The following USH2A variants were observed in gnomAD, a reference collection of about 807,000 sequenced individuals.
USH2A encodes usherin.
In USH2A, 443 loss-of-function variants were observed where a neutral mutation model predicts 538.9. The ratio of observed to expected loss-of-function variants is 0.82; its 90% CI spans 0.76 to 0.89. The LOEUF is 0.89. USH2A is among the 40% of genes least tolerant of loss of function. The pLI, the probability that USH2A is intolerant of heterozygous loss-of-function variation, is 0.00. For synonymous variants in USH2A, 2,413 were observed against 2,273.5 expected (o/e 1.06, Z -1.75); for missense variants, 6,633 against 6,324.8 (o/e 1.05, Z -1.65).
At chr1:215,803,414 T>A (rs2102783321) in intron 49 of USH2A, among the ~76,000 whole-genome samples, 1 of 152,330 alleles carries the variant, frequency 6.6e-6, no homozygotes, top group East Asian at 1.9e-4. Flanking sequence ...CTCCTTAAGC[T>A]GATAGGCAAC....
intron 30 of USH2A, among the ~76,000 whole-genome samples, chr1:216,060,058 C>T (rs2102537049): frequency 6.6e-6 from 1 of 152,316 alleles, no homozygotes; most frequent in Non-Finnish European, 1.5e-5. Flanking sequence ...GCAAAGCTAA[C>T]ACAGTCAGAA....
intron 8 of USH2A, 84 bp from the exon 9 acceptor site, chr1:216,322,060 G>A (rs2037624894): frequency 2.3e-6 from 3 of 1,300,624 alleles, no homozygotes; most frequent in East Asian, 4.6e-5. Context: ...TATGCATTAT[G>A]TGAATTTAAC....
intron 3 of USH2A, among the ~76,000 whole-genome samples, chr1:216,390,046 A>G (rs1223850974): frequency 6.6e-6 from 1 of 152,194 alleles, no homozygotes; most frequent in Non-Finnish European, 1.5e-5. Context: ...GTATGCCAGT[A>G]AATGTAGAGA....
chr1:215,924,519 A>C (rs950948995), intron 38 of USH2A, among the ~76,000 whole-genome samples: 9 of 152,124 alleles, frequency 5.9e-5, no homozygotes, highest in Admixed American at 1.3e-4. Context: ...TTTTAAAGAA[A>C]TAAAGCAAAA....
intron 43 of USH2A, among the ~76,000 whole-genome samples, chr1:215,876,338 T>C (rs1268498734): frequency 6.6e-6 from 1 of 152,198 alleles, no homozygotes; most frequent in Non-Finnish European, 1.5e-5. Flanking sequence ...CTGAGAATCT[T>C]ACAAGAACTA....
chr1:216,219,812 G>C (rs1183251238), intron 14 of USH2A, among the ~76,000 whole-genome samples: 1 of 152,062 alleles, frequency 6.6e-6, no homozygotes, highest in South Asian at 2.1e-4. Context: ...AATCTGTCAA[G>C]ATTTATATAG....
intron 21 of USH2A, among the ~76,000 whole-genome samples, chr1:216,146,543 C>G (rs1457048486): frequency 6.6e-6 from 1 of 152,128 alleles, no homozygotes; most frequent in Non-Finnish European, 1.5e-5. Flanking sequence ...AAGTACCCCT[C>G]AACCCCTTCT....
intron 32 of USH2A, among the ~76,000 whole-genome samples, chr1:216,015,127 A>G (rs1025685703): frequency 5.3e-5 from 8 of 152,154 alleles, no homozygotes; most frequent in Non-Finnish European, 1.0e-4. Context: ...CAAATCATCA[A>G]TTAGATGTTT....
intron 44 of USH2A, among the ~76,000 whole-genome samples, chr1:215,862,467 G>A (rs1248492909): frequency 6.6e-6 from 1 of 152,084 alleles, no homozygotes; most frequent in Non-Finnish European, 1.5e-5. Flanking sequence ...TAATGTAAAT[G>A]ACGAGTTAAT....
At chr1:215,813,121 A>G (rs1156449326) in intron 49 of USH2A, among the ~76,000 whole-genome samples, 2 of 152,222 alleles carry the variant, frequency 1.3e-5, no homozygotes, top group Non-Finnish European at 1.5e-5. Context: ...TATTAGCATC[A>G]TTCCCAATTA....
intron 21 of USH2A, among the ~76,000 whole-genome samples, chr1:216,158,149 T>A (rs1394309165): frequency 2.0e-5 from 3 of 152,166 alleles, no homozygotes; most frequent in African/African-American, 7.2e-5. Context: ...TGATAGAAAT[T>A]TGGATTGTTA....
At chr1:216,261,672 A>C (rs2036375460) in intron 11 of USH2A, among the ~76,000 whole-genome samples, 1 of 152,126 alleles carries the variant, frequency 6.6e-6, no homozygotes, top group Non-Finnish European at 1.5e-5. Flanking sequence ...ATGGCTGGCA[A>C]ACCAACATGT....
intron 13 of USH2A, among the ~76,000 whole-genome samples, chr1:216,240,208 C>A (rs2035911366): frequency 6.6e-6 from 1 of 152,066 alleles, no homozygotes; most frequent in Admixed American, 6.6e-5. Flanking sequence ...GTGCTAAATA[C>A]CTTCCCCAAC....
intron 58 of USH2A, among the ~76,000 whole-genome samples, chr1:215,746,500 G>T (rs564193020): frequency 1.6e-4 from 24 of 152,310 alleles, no homozygotes; most frequent in Non-Finnish European, 2.6e-4. Flanking sequence ...GTGCATGGTG[G>T]TAAGAAGAAT....
Position 215,758,492 on chromosome 1 carries a change from C to T in USH2A, c.11389+103G>A, listed in dbSNP as rs1660878498. The stretch of plus-strand genomic sequence containing the variant: ...TGTTCATATTTATCCAGGAGACCGA[C>T]TATGTCTTTCTGATTTACTAAATTA... On this transcript the variant is annotated intron_variant, in intron 58 of 71. Transcript: ENST00000307340. 5 of 1,420,310 alleles carry T rather than the reference C, an allele frequency of 3.5e-6. No homozygotes were observed. The Admixed American group carries it at 7.1e-5, about 20-fold the overall frequency. 88.0% of individuals were successfully genotyped at this position (1,420,310 alleles called of 1,614,324 possible).
intron 21 of USH2A, among the ~76,000 whole-genome samples, chr1:216,150,256 C>T (rs1449213101): frequency 6.6e-6 from 1 of 152,108 alleles, no homozygotes; most frequent in African/African-American, 2.4e-5. Context: ...GGTGCTATCC[C>T]CAAACTGCCA....
At chr1:216,127,236 TC>T (rs2033273689) in intron 21 of USH2A, among the ~76,000 whole-genome samples, 1 of 152,196 alleles carries the variant, frequency 6.6e-6, no homozygotes, top group Non-Finnish European at 1.5e-5. Flanking sequence ...CTCAAGTTCT[TC>T]TTAACGGCAT....
chr1:216,015,917 A>G (rs967188524), intron 32 of USH2A, among the ~76,000 whole-genome samples: 12 of 152,124 alleles, frequency 7.9e-5, no homozygotes, highest in Non-Finnish European at 1.6e-4. Flanking sequence ...CGCACTATTC[A>G]CAATAGCAAA....
intron 16 of USH2A, among the ~76,000 whole-genome samples, chr1:216,201,987 C>T (rs563725885): frequency 6.6e-6 from 1 of 152,276 alleles, no homozygotes; most frequent in African/African-American, 2.4e-5. Flanking sequence ...GAGCGTGCAG[C>T]TGTGGCTCAT....
Sources: allele counts gnomAD v4.1 joint callset (sites outside exome capture counted in the v4.1 genomes callset), GRCh38; gene constraint gnomAD v4.1.1; transcripts MANE v1.5; gene names NCBI Gene and HGNC (gene_info 2026-07-23, HGNC 2026-07-21).